Variants in NOL4 observed in about 807,000 individuals in gnomAD.
The protein encoded by NOL4 is nucleolar protein 4.
In NOL4, 17 loss-of-function variants were observed where a neutral mutation model predicts 75.9. That is an observed-to-expected ratio of 0.22 (90% CI 0.15 to 0.34). NOL4 has a LOEUF of 0.34. Ranked by LOEUF, NOL4 falls within the 10% of genes least tolerant of loss-of-function variation. NOL4 has a pLI of 1.00. For missense variants in NOL4, 614 were observed against 793.5 expected (o/e 0.77, Z 2.72); for synonymous variants, 292 against 289.9 (o/e 1.01, Z -0.07).
intron 10 of NOL4, among the ~76,000 whole-genome samples, chr18:33,870,214 G>T (rs67854581): frequency 6.6e-6 from 1 of 151,816 alleles, no homozygotes; most frequent in African/African-American, 2.4e-5. Context: ...TTCAAGAAGG[G>T]CATTATATGA....
At chr18:33,988,003 CTCG>C (rs2072599682) in intron 6 of NOL4, among the ~76,000 whole-genome samples, 1 of 152,096 alleles carries the variant, frequency 6.6e-6, no homozygotes, top group African/African-American at 2.4e-5. Context: ...CAAGAAGAAA[CTCG>C]TCATTTCCTG....
intron 5 of NOL4, among the ~76,000 whole-genome samples, chr18:34,028,242 G>T (rs989950102): frequency 2.0e-5 from 3 of 152,262 alleles, no homozygotes; most frequent in South Asian, 2.1e-4. Flanking sequence ...AAGCGCAGTA[G>T]ATTCTATTTT....
intron 9 of NOL4, among the ~76,000 whole-genome samples, chr18:33,919,620 C>T (rs1217204204): frequency 1.3e-5 from 2 of 152,134 alleles, no homozygotes; most frequent in Admixed American, 1.3e-4. Flanking sequence ...TAATTTAAGG[C>T]TTGTTTAGCC....
chr18:34,207,785 C>T (rs2036225632), intron 1 of NOL4, among the ~76,000 whole-genome samples: 1 of 152,114 alleles, frequency 6.6e-6, no homozygotes, highest in South Asian at 2.1e-4. Context: ...AAGAGAATCT[C>T]ACACACACTC....
chr18:34,043,390 A>T (rs189780152), intron 5 of NOL4, among the ~76,000 whole-genome samples: 93 of 152,148 alleles, frequency 6.1e-4, no homozygotes, highest in African/African-American at 2.0e-3. Flanking sequence ...AGTAGGATGA[A>T]TTTTTGTGAG....
intron 9 of NOL4, among the ~76,000 whole-genome samples, chr18:33,895,708 G>T (rs1231245047): frequency 6.6e-6 from 1 of 151,996 alleles, no homozygotes; most frequent in Admixed American, 6.6e-5. Flanking sequence ...TATACTAAAT[G>T]GGAAAACGCT....
intron 10 of NOL4, among the ~76,000 whole-genome samples, chr18:33,862,746 G>A (rs1391519163): frequency 2.0e-5 from 3 of 152,160 alleles, no homozygotes; most frequent in Non-Finnish European, 4.4e-5. Context: ...AGTTAGAATG[G>A]CAATCATTAA....
Position 33,907,212 on chromosome 18 carries a change from G to T in NOL4, c.1543-23788C>A, listed in dbSNP as rs554395220. On this transcript the variant is annotated intron_variant, in intron 9 of 10. Coordinates refer to ENST00000261592, the MANE Select transcript of NOL4 (RefSeq NM_003787.5). The stretch of plus-strand genomic sequence containing the variant: ...GTGGTTGGCACCTGTAGTCCCAGCT[G>T]CTCAGGAGGGTGAGGCAGGAGAATG... Among the ~76,000 whole-genome samples, 41 of 151,312 alleles carry T rather than the reference G, an allele frequency of 2.7e-4. No individual in the cohort carries two copies. In the South Asian group the frequency reaches 2.7e-3, roughly 10 times the overall value.
At chr18:33,999,084 A>G (rs2073499313) in intron 6 of NOL4, among the ~76,000 whole-genome samples, 1 of 152,036 alleles carries the variant, frequency 6.6e-6, no homozygotes, top group Non-Finnish European at 1.5e-5. Context: ...ATGATGTCTA[A>G]ATTCAGAGAA....
At chr18:34,126,359 A>G (rs759537874) in intron 2 of NOL4, among the ~76,000 whole-genome samples, 3 of 152,192 alleles carry the variant, frequency 2.0e-5, no homozygotes, top group South Asian at 4.1e-4. Flanking sequence ...TAGCTATAGC[A>G]TATGTTCTCC....
chr18:33,962,025 C>T (rs910633992), intron 6 of NOL4, among the ~76,000 whole-genome samples: 4 of 152,098 alleles, frequency 2.6e-5, no homozygotes, highest in Non-Finnish European at 4.4e-5. Context: ...GGTAAAATTG[C>T]CAATCCCTTG....
intron 6 of NOL4, among the ~76,000 whole-genome samples, chr18:33,986,755 AT>A (rs1230649614): frequency 3.3e-5 from 5 of 152,276 alleles, no homozygotes; most frequent in Middle Eastern, 3.4e-3. Flanking sequence ...ATCAAAAAAA[AT>A]CTCACACTTA....
At chr18:34,071,769 A>G (rs1192481243) in intron 5 of NOL4, among the ~76,000 whole-genome samples, 1 of 152,108 alleles carries the variant, frequency 6.6e-6, no homozygotes, top group African/African-American at 2.4e-5. Context: ...TATTAAATGC[A>G]TTTTTCACTT....
At chr18:33,953,602 G>A (rs1054030515) in intron 8 of NOL4, among the ~76,000 whole-genome samples, 16 of 152,114 alleles carry the variant, frequency 1.1e-4, no homozygotes, top group Non-Finnish European at 1.9e-4. Context: ...TTTGAGCAAT[G>A]GTAAAAATGA....
chr18:33,922,953 T>A (rs1298562018), intron 9 of NOL4, among the ~76,000 whole-genome samples: 1 of 152,172 alleles, frequency 6.6e-6, no homozygotes, highest in Non-Finnish European at 1.5e-5. Flanking sequence ...TTATTGAAAT[T>A]CTGTTTAAAA....
At chr18:34,215,828 A>C (rs1470513870) in intron 1 of NOL4, among the ~76,000 whole-genome samples, 1 of 152,182 alleles carries the variant, frequency 6.6e-6, no homozygotes, top group African/African-American at 2.4e-5. Context: ...TTAACTACTA[A>C]TAGTCTACTG....
At chr18:34,034,975 A>C (rs1372289606) in intron 5 of NOL4, among the ~76,000 whole-genome samples, 3 of 152,130 alleles carry the variant, frequency 2.0e-5, no homozygotes, top group Non-Finnish European at 2.9e-5. Context: ...ACTAGATCTA[A>C]AGATGTCTAA....
intron 9 of NOL4, among the ~76,000 whole-genome samples, chr18:33,919,634 T>G (rs2066917305): frequency 6.6e-6 from 1 of 152,238 alleles, no homozygotes; most frequent in African/African-American, 2.4e-5. Context: ...TTTAGCCCTT[T>G]ACAGCTATGA....
At chr18:34,040,371 AT>A (rs1351039211) in intron 5 of NOL4, among the ~76,000 whole-genome samples, 1 of 151,824 alleles carries the variant, frequency 6.6e-6, no homozygotes, top group African/African-American at 2.4e-5. Context: ...GATAGAAGCT[AT>A]TTTGAGGATT....
Sources: gnomAD v4.1 joint callset for allele counts (sites outside exome capture counted in the v4.1 genomes callset) on GRCh38, gnomAD v4.1.1 for gene constraint, MANE v1.5 for transcripts, NCBI Gene and HGNC (gene_info 2026-07-23, HGNC 2026-07-21) for gene names.